Variants in CPNE4 observed in about 807,000 individuals in gnomAD.
CPNE4 encodes copine-4.
CPNE4 carries 25 observed loss-of-function variants against 67.9 expected under a neutral mutation model. That is an observed-to-expected ratio of 0.37 (90% CI 0.27 to 0.51). CPNE4 has a LOEUF of 0.51. CPNE4 is among the 20% of genes least tolerant of loss of function. The pLI is 0.93. For missense variants in CPNE4, 464 were observed against 690.8 expected, an observed-to-expected ratio of 0.67 and a Z score of 3.68; for synonymous variants, 242 against 244.9, an observed-to-expected ratio of 0.99 and a Z score of 0.11.
chr3:131,984,201 T>A (rs1307549856), intron 1 of CPNE4, among the ~76,000 whole-genome samples: 2 of 152,174 alleles, frequency 1.3e-5, no homozygotes, highest in African/African-American at 4.8e-5. Context: ...AGTGACTGAG[T>A]AAAGACTCCA....
chr3:131,611,855 TTC>T (rs1352376717), intron 7 of CPNE4, among the ~76,000 whole-genome samples: 1 of 152,024 alleles, frequency 6.6e-6, no homozygotes, highest in African/African-American at 2.4e-5. Context: ...GCCTATAAAC[TTC>T]ACCATGAGCA....
At chr3:131,723,328 T>C in intron 3 of CPNE4, 118 bp downstream of exon 3, 1 of 910,686 alleles carries the variant, frequency 1.1e-6, no homozygotes, top group Non-Finnish European at 1.7e-6. Flanking sequence ...ATGCTGCATG[T>C]TAAAGAAAAT....
intron 14 of CPNE4, among the ~76,000 whole-genome samples, chr3:131,547,384 G>T (rs1935914292): frequency 7.6e-6 from 1 of 132,126 alleles, no homozygotes. Context: ...CAGCCCAAAA[G>T]GTTCAAAGCT....
intron 1 of CPNE4, among the ~76,000 whole-genome samples, chr3:131,982,480 G>A (rs2072932611): frequency 6.6e-6 from 1 of 152,166 alleles, no homozygotes; most frequent in African/African-American, 2.4e-5. Context: ...CCATATAAAA[G>A]CAGTAATTGG....
chr3:131,587,285 T>C (rs1938244091), intron 8 of CPNE4, among the ~76,000 whole-genome samples, 199 bp downstream of exon 8: 1 of 152,292 alleles, frequency 6.6e-6, no homozygotes, highest in Non-Finnish European at 1.5e-5. Flanking sequence ...ACGTTTGGGG[T>C]CAGTGTCTTG....
chr3:131,788,175 A>G (rs1169738836), intron 2 of CPNE4, among the ~76,000 whole-genome samples: 1 of 152,096 alleles, frequency 6.6e-6, no homozygotes, highest in Non-Finnish European at 1.5e-5. Flanking sequence ...TCCATATACA[A>G]GAAAAATCTG....
intron 2 of CPNE4, among the ~76,000 whole-genome samples, chr3:131,872,889 A>C (rs924104043): frequency 1.3e-5 from 2 of 152,346 alleles, no homozygotes; most frequent in Non-Finnish European, 1.5e-5. Context: ...CTCAGCCTTC[A>C]AATTTTCTAG....
At chr3:131,562,005 A>C (rs1442311451) in intron 11 of CPNE4, among the ~76,000 whole-genome samples, 1 of 152,050 alleles carries the variant, frequency 6.6e-6, no homozygotes, top group African/African-American at 2.4e-5. Flanking sequence ...TATGGAAAAA[A>C]GAATTGCTCC....
rs368097023 is a variant in CPNE4, at chr3:131,897,147, G to A, written c.180+8117C>T. On this transcript the variant is annotated intron_variant, in intron 2 of 15. Coordinates refer to ENST00000429747, the MANE Select transcript of CPNE4 (RefSeq NM_130808.3). ...TAATTTTATAGACTAGTGGTAATTC[G>A]TTGGGTTATTCTGCCTCCACAGAGA... Among the ~76,000 whole-genome samples, 60 of 152,180 alleles carry A rather than the reference G, an allele frequency of 3.9e-4. 1 individual carries two copies. The South Asian group carries it at 9.7e-3, about 25-fold the overall frequency.
At chr3:131,730,087 T>C (rs1460101265) in intron 2 of CPNE4, among the ~76,000 whole-genome samples, 1 of 152,238 alleles carries the variant, frequency 6.6e-6, no homozygotes, top group East Asian at 1.9e-4. Context: ...TATGCCATTG[T>C]TTAATTGGAA....
intron 1 of CPNE4, among the ~76,000 whole-genome samples, chr3:132,029,106 T>A (rs924811758): frequency 1.3e-5 from 2 of 152,106 alleles, no homozygotes; most frequent in African/African-American, 4.8e-5. Flanking sequence ...AATGCCTGGA[T>A]CTTGAAAACT....
At chr3:131,774,264 C>A in intron 2 of CPNE4, among the ~76,000 whole-genome samples, 1 of 151,738 alleles carries the variant, frequency 6.6e-6, no homozygotes, top group East Asian at 1.9e-4. Context: ...CTATCTAGTT[C>A]CAGCCAAAAA....
chr3:131,876,153 C>T (rs550744033), intron 2 of CPNE4, among the ~76,000 whole-genome samples: 12 of 151,616 alleles, frequency 7.9e-5, no homozygotes, highest in Admixed American at 4.6e-4. Flanking sequence ...GCACGAGAAT[C>T]GCTTGAACCC....
chr3:131,891,933 T>C (rs1434516992), intron 2 of CPNE4, among the ~76,000 whole-genome samples: 1 of 152,060 alleles, frequency 6.6e-6, no homozygotes, highest in East Asian at 1.9e-4. Context: ...AAACAACTAC[T>C]TTTCAACTAG....
chr3:131,952,843 C>G (rs908125660), intron 1 of CPNE4, among the ~76,000 whole-genome samples: 9 of 152,268 alleles, frequency 5.9e-5, no homozygotes, highest in South Asian at 2.1e-4. Flanking sequence ...GATGGTTGCC[C>G]TGTCTGTGTA....
At chr3:131,706,799 T>G (rs772600085) in intron 3 of CPNE4, among the ~76,000 whole-genome samples, 14 of 152,218 alleles carry the variant, frequency 9.2e-5, no homozygotes, top group Admixed American at 5.2e-4. Context: ...GGCATTCGTT[T>G]CTATTGATTC....
intron 2 of CPNE4, among the ~76,000 whole-genome samples, chr3:131,730,137 A>G (rs77356974): frequency 0.017 from 2,606 of 152,262 alleles, 61 homozygotes; most frequent in East Asian, 0.069. Flanking sequence ...TTAATGATAT[A>G]CCATTGTTTA....
At chr3:131,818,343 G>C (rs1362876283) in intron 2 of CPNE4, among the ~76,000 whole-genome samples, 1 of 152,182 alleles carries the variant, frequency 6.6e-6, no homozygotes, top group Non-Finnish European at 1.5e-5. Flanking sequence ...ATCCAGTGGA[G>C]TCATCTTAAC....
intron 2 of CPNE4, among the ~76,000 whole-genome samples, chr3:131,806,662 G>T (rs1358926225): frequency 1.3e-5 from 2 of 151,864 alleles, no homozygotes; most frequent in Non-Finnish European, 2.9e-5. Flanking sequence ...TAGGGAAAAA[G>T]TGAAAATTTT....
Sources: gnomAD v4.1 joint callset for allele counts (sites outside exome capture counted in the v4.1 genomes callset) on GRCh38, gnomAD v4.1.1 for gene constraint, MANE v1.5 for transcripts, NCBI Gene and HGNC (gene_info 2026-07-23, HGNC 2026-07-21) for gene names.